TCF20: variants seen among roughly 807,000 people sequenced by gnomAD.
The protein encoded by TCF20 is SPRE-binding protein.
In TCF20, 3 loss-of-function variants were observed where a neutral mutation model predicts 148.6. The observed-to-expected ratio is 0.02, with a 90% CI of 0.01 to 0.05. The LOEUF (loss-of-function observed/expected upper bound fraction) is 0.05, where lower values mean the gene tolerates loss of function less well. TCF20 is among the 10% of genes least tolerant of loss of function. The probability of loss-of-function intolerance (pLI) is 1.00; values close to 1 mark genes in which losing one functional copy is unlikely to be tolerated. For synonymous variants in TCF20, 1,049 were observed against 909.5 expected, an observed-to-expected ratio of 1.15 and a Z score of -2.76; for missense variants, 2,350 against 2,429.3, an observed-to-expected ratio of 0.97 and a Z score of 0.69.
At chr22:42,342,974 T>C (rs1324861140) in intron 1 of TCF20, among the ~76,000 whole-genome samples, 1 of 152,116 alleles carries the variant, frequency 6.6e-6, no homozygotes, top group Non-Finnish European at 1.5e-5. Flanking sequence ...GCACACACTC[T>C]TAAGGAAAGG....
Position 42,214,512 on chromosome 22 carries a change from T to C in TCF20, c.794A>G (p.Asn265Ser), listed in dbSNP as rs754401912. The change falls in exon 2 of 6, where the codon AAT (asparagine) becomes AGT (serine). Residue 265 changes from asparagine to serine, a missense_variant. Asn to Ser is a conservative substitution (Grantham distance 46). Coordinates refer to ENST00000677622, the MANE Select transcript of TCF20 (RefSeq NM_001378418.1). ...TTCATACTGAGATCCAGCATTCACA[T>C]TGTAACTGCCATCATAGCTCTGTCC... ...QSGQSYDGSY[N>S]VNAGSQYEGH... 3.2e-5 allele frequency: 52 copies of C among 1,614,140 alleles called. No homozygotes were observed. The highest frequency in any genetic ancestry group is 1.6e-4 in the Middle Eastern group (1 of 6,062).
intron 1 of TCF20, among the ~76,000 whole-genome samples, chr22:42,289,953 G>A (rs977921682): frequency 2.0e-5 from 3 of 152,186 alleles, no homozygotes; most frequent in African/African-American, 7.2e-5. Context: ...CAGATATTGC[G>A]TGCAGGCCGA....
intron 1 of TCF20, among the ~76,000 whole-genome samples, chr22:42,321,896 G>A (rs1397887303): frequency 2.0e-5 from 3 of 151,106 alleles, no homozygotes; most frequent in Non-Finnish European, 4.4e-5. Context: ...GCAGTGAGCT[G>A]AGATCACGCC....
chr22:42,270,679 C>T (rs1926568262), upstream of TCF20, among the ~76,000 whole-genome samples: 1 of 137,980 alleles, frequency 7.2e-6, no homozygotes, highest in African/African-American at 2.6e-5. Context: ...GGCGCGCGGC[C>T]AATGGGGAGG....
chr22:42,180,257 A>C (rs1936705464), intron 2 of TCF20, among the ~76,000 whole-genome samples: 1 of 152,180 alleles, frequency 6.6e-6, no homozygotes, highest in Non-Finnish European at 1.5e-5. Context: ...CCCTTTTCAG[A>C]AAATATGGGC....
intron 1 of TCF20, among the ~76,000 whole-genome samples, chr22:42,242,616 GTGGCTCACACCT>G (rs1452887011): frequency 6.6e-6 from 1 of 151,864 alleles, no homozygotes; most frequent in Non-Finnish European, 1.5e-5. Context: ...GCCAGGCGAG[GTGGCTCACACCT>G]ATAATCCCAG....
intron 1 of TCF20, among the ~76,000 whole-genome samples, chr22:42,335,908 C>T (rs1330665553): frequency 6.6e-6 from 1 of 152,208 alleles, no homozygotes; most frequent in Non-Finnish European, 1.5e-5. Context: ...CCCGAGGCCA[C>T]CTGTGGTGGG....
intron 1 of TCF20, among the ~76,000 whole-genome samples, chr22:42,237,748 A>C (rs1333688115): frequency 1.3e-5 from 2 of 152,204 alleles, no homozygotes; most frequent in African/African-American, 4.8e-5. Context: ...ATCTCCTTAT[A>C]CATTTCCATC....
intron 1 of TCF20, among the ~76,000 whole-genome samples, chr22:42,320,041 G>T (rs1927703522): frequency 6.6e-6 from 1 of 151,958 alleles, no homozygotes. Context: ...TCCCACCACT[G>T]CCATCTCGGT....
rs1347279406 is a variant in TCF20, at chr22:42,210,542, C to G, written c.4764G>C (p.Lys1588Asn). The part of the protein sequence containing the change: ...KKQRQRRERR[K>N]PGAQPRKRKT... ...TTCGCTTCCTCGGCTGGGCCCCAGG[C>G]TTCCTTCTCTCCCTCCTTTGCCTCT... Residue 1588 changes from lysine (K) to asparagine (N), a missense_variant, in exon 2 of 6, where the codon AAG becomes AAC. Lys to Asn is a moderately conservative substitution (Grantham distance 94). Transcript: ENST00000677622. The surrounding 1 kb of genome is among the most constrained non-coding windows in gnomAD (Gnocchi z 4.7). 1 of 1,614,210 alleles carries G rather than the reference C, an allele frequency of 6.2e-7. No homozygotes were observed. The highest frequency in any genetic ancestry group is 8.5e-7 in the Non-Finnish European group (1 of 1,180,036).
chr22:42,277,907 T>A (rs2147013203), intron 1 of TCF20, among the ~76,000 whole-genome samples: 1 of 152,344 alleles, frequency 6.6e-6, no homozygotes, highest in East Asian at 1.9e-4. Context: ...GTCTTCAGCT[T>A]CATCCTCATC....
chr22:42,315,014 AG>A (rs1479410019), intron 1 of TCF20, among the ~76,000 whole-genome samples: 1 of 152,114 alleles, frequency 6.6e-6, no homozygotes, highest in Non-Finnish European at 1.5e-5. Context: ...CTCCTTTAAA[AG>A]TAAGAGGTGG....
intron 1 of TCF20, among the ~76,000 whole-genome samples, chr22:42,260,763 T>C (rs984248385): frequency 6.6e-6 from 1 of 152,158 alleles, no homozygotes; most frequent in Admixed American, 6.5e-5. Flanking sequence ...GGATTACAGA[T>C]GTGAGCCACC....
At chr22:42,264,277 C>T (rs1034413863) in intron 1 of TCF20, among the ~76,000 whole-genome samples, 94 of 1,402 alleles carry the variant, frequency 0.067, no homozygotes, top group Non-Finnish European at 0.09. Flanking sequence ...GGGGGCGGGG[C>T]GGGGGCAGGG....
At chr22:42,329,641 C>T (rs763772682) in intron 1 of TCF20, among the ~76,000 whole-genome samples, 8 of 152,216 alleles carry the variant, frequency 5.3e-5, no homozygotes, top group Non-Finnish European at 8.8e-5. Context: ...GCTGGATCGC[C>T]ACCCAGGAGG....
intron 5 of TCF20, among the ~76,000 whole-genome samples, chr22:42,162,146 A>G (rs539559681): frequency 1.3e-5 from 2 of 151,720 alleles, no homozygotes; most frequent in South Asian, 4.2e-4. Flanking sequence ...ACACCCGGCT[A>G]ATTTTTGTAT....
intron 2 of TCF20, among the ~76,000 whole-genome samples, chr22:42,200,307 G>GC (rs144070301): frequency 2.0e-5 from 3 of 152,110 alleles, no homozygotes; most frequent in African/African-American, 7.2e-5. Context: ...CTTGACCTCT[G>GC]CCTCCTCACT....
chr22:42,171,039 G>C (rs968437414), intron 3 of TCF20, among the ~76,000 whole-genome samples: 1 of 152,128 alleles, frequency 6.6e-6, no homozygotes, highest in Non-Finnish European at 1.5e-5. Flanking sequence ...TTAATCCTTG[G>C]AGGAAAAATG....
intron 1 of TCF20, among the ~76,000 whole-genome samples, chr22:42,250,921 A>T (rs1213171933): frequency 6.6e-6 from 1 of 152,288 alleles, no homozygotes; most frequent in East Asian, 1.9e-4. Flanking sequence ...AGCAAGAGAG[A>T]GTGTGAGGTG....
Sources: allele counts gnomAD v4.1 joint callset (sites outside exome capture counted in the v4.1 genomes callset), GRCh38; gene constraint gnomAD v4.1.1; non-coding constraint Gnocchi (gnomAD v3.1); transcripts MANE v1.5; gene names NCBI Gene and HGNC (gene_info 2026-07-23, HGNC 2026-07-21).